The following DLC1 variants were observed in gnomAD, a reference collection of about 807,000 sequenced individuals.
DLC1 encodes the protein rho GTPase-activating protein 7.
A neutral mutation model predicts 140.3 loss-of-function variants in DLC1; 54 were observed. That is an observed-to-expected ratio of 0.38 (90% CI 0.31 to 0.48). The LOEUF (loss-of-function observed/expected upper bound fraction) is 0.48, where lower values mean the gene tolerates loss of function less well. Among genes scored for constraint, DLC1 ranks in the 20% least tolerant of loss-of-function variants. DLC1 has a pLI of 0.96. For synonymous variants in DLC1, 986 were observed against 728.1 expected (o/e 1.35, Z -5.70); for missense variants, 2,536 against 1,907.0 (o/e 1.33, Z -6.14).
In DLC1 at chr8:13,396,790, T is replaced by C. The variant is rs1173724182; in HGVS notation, c.1174-3097A>G. On this transcript the variant is annotated intron_variant, in intron 3 of 17. Transcript: ENST00000276297. ...CTTTATTATTTTCTCTTCTGTTCTC[T>C]GTTCAATTTGAGAAATTACCCAAAA... Among the ~76,000 whole-genome samples, 3 of 152,304 alleles carry C rather than the reference T, an allele frequency of 2.0e-5. No homozygotes were observed. In the East Asian group the frequency reaches 5.8e-4, roughly 29 times the overall value.
At chr8:13,088,406 T>C in intron 16 of DLC1, 81 bp downstream of exon 16, 1 of 1,469,868 alleles carries the variant, frequency 6.8e-7, no homozygotes, top group Admixed American at 1.9e-5. Flanking sequence ...AATTATACCA[T>C]CTTGTAAGAT....
intron 16 of DLC1, among the ~76,000 whole-genome samples, chr8:13,088,284 A>G (rs1194218740): frequency 6.6e-6 from 1 of 152,080 alleles, no homozygotes; most frequent in Non-Finnish European, 1.5e-5. Flanking sequence ...GTCTTGCTAT[A>G]TTACCCAGGC....
At chr8:13,276,604 T>TA in intron 5 of DLC1, 1 of 1,239,694 alleles carries the variant, frequency 8.1e-7, no homozygotes, top group Non-Finnish European at 1.0e-6. Flanking sequence ...TGGAAAGACT[T>TA]ACCCTGCGCC....
chr8:13,153,794 C>G (rs1585786135), intron 5 of DLC1, among the ~76,000 whole-genome samples: 1 of 151,722 alleles, frequency 6.6e-6, no homozygotes, highest in Non-Finnish European at 1.5e-5. Context: ...GGTGCGTTTA[C>G]AATCCCTGAG....
chr8:13,528,113 C>T (rs1427321975), intron 1 of DLC1, among the ~76,000 whole-genome samples: 1 of 151,898 alleles, frequency 6.6e-6, no homozygotes, highest in East Asian at 1.9e-4. Flanking sequence ...GACATCTTAA[C>T]CATAAGAATC....
intron 3 of DLC1, among the ~76,000 whole-genome samples, chr8:13,396,613 G>C (rs761711910): frequency 1.3e-5 from 2 of 152,108 alleles, no homozygotes; most frequent in African/African-American, 2.4e-5. Context: ...GACCAAAGTC[G>C]TATCCCAAGG....
At chr8:13,286,222 C>T (rs569593981) in intron 5 of DLC1, among the ~76,000 whole-genome samples, 3 of 152,130 alleles carry the variant, frequency 2.0e-5, no homozygotes, top group South Asian at 4.2e-4. Flanking sequence ...CATCAGAATC[C>T]TCAATCTCTG....
intron 5 of DLC1, among the ~76,000 whole-genome samples, chr8:13,135,685 T>A (rs988324109): frequency 6.6e-6 from 1 of 152,200 alleles, no homozygotes; most frequent in South Asian, 2.1e-4. Context: ...CAGAATAAGT[T>A]CTTAATATTT....
intron 5 of DLC1, among the ~76,000 whole-genome samples, chr8:13,217,723 A>G (rs916633708): frequency 6.6e-6 from 1 of 152,044 alleles, no homozygotes; most frequent in Non-Finnish European, 1.5e-5. Flanking sequence ...CTGTAGTCCC[A>G]GCTACTTGGG....
At chr8:13,225,512 A>G (rs1015405531) in intron 5 of DLC1, among the ~76,000 whole-genome samples, 1 of 152,200 alleles carries the variant, frequency 6.6e-6, no homozygotes, top group Non-Finnish European at 1.5e-5. Context: ...ACATGGGAGA[A>G]GAGGTCCATT....
chr8:13,467,250 C>T (rs187002918), intron 2 of DLC1, among the ~76,000 whole-genome samples: 461 of 152,272 alleles, frequency 3.0e-3, no homozygotes, highest in Middle Eastern at 6.8e-3. Flanking sequence ...AGACAATCAG[C>T]TTCAAAAATT....
chr8:13,305,138 G>A lies in DLC1; in HGVS notation c.1348+131C>T, dbSNP rs982343656. ...TTGAGCAAAACAAATTTCTTTTACA[G>A]AATTTAAACAACATTTTCCCATATA... On this transcript the variant is annotated intron_variant, in intron 5 of 17. Transcript: ENST00000276297. The A allele has an allele frequency of 5.1e-6, 7 of 1,360,992 alleles. No homozygotes were observed. In the South Asian group the frequency reaches 8.2e-5, roughly 16 times the overall value. 84.3% of individuals were successfully genotyped at this position (1,360,992 alleles called of 1,614,324 possible). A position where few individuals can be genotyped will look rare whatever the true frequency, so the allele number is the denominator to read the frequency against.
At chr8:13,586,816 A>G (rs1380084764) in intron 1 of DLC1, among the ~76,000 whole-genome samples, 1 of 152,082 alleles carries the variant, frequency 6.6e-6, no homozygotes, top group Non-Finnish European at 1.5e-5. Flanking sequence ...AAGTGCCTAT[A>G]GATAGTATTC....
intron 1 of DLC1, among the ~76,000 whole-genome samples, chr8:13,545,094 T>C (rs1475513907): frequency 2.0e-5 from 3 of 152,068 alleles, no homozygotes; most frequent in African/African-American, 7.2e-5. Flanking sequence ...TTAATAAAAT[T>C]TTAAAATTAA....
At position 13,499,284 on chromosome 8, in the gene DLC1, G is replaced by A; in HGVS notation, c.788C>T (p.Thr263Ile). Reference protein sequence around the residue: ...VQNEFLDTPCTNRGLPLLKTD... With the variant: ...VQNEFLDTPCINRGLPLLKTD... ...TTTTAATAATGGCAGTCCTCTGTTT[G>A]TGCAAGGAGTATCCAAGAACTCATT... Residue 263 changes from threonine (T) to isoleucine (I), a missense_variant, in exon 2 of 18, where the codon ACA becomes ATA. Transcript: ENST00000276297. 1 of 1,614,126 alleles carries A rather than the reference G, an allele frequency of 6.2e-7. No homozygotes were observed. Among genetic ancestry groups the A allele is most frequent in the South Asian group, 1.1e-5 (1 of 91,088 alleles).
At chr8:13,375,701 T>C (rs1226567039) in intron 4 of DLC1, among the ~76,000 whole-genome samples, 1 of 149,764 alleles carries the variant, frequency 6.7e-6, no homozygotes, top group African/African-American at 2.5e-5. Context: ...AAATTGAATA[T>C]TTTCAATGAT....
chr8:13,175,325 G>T (rs577015616), intron 5 of DLC1, among the ~76,000 whole-genome samples: 2 of 147,378 alleles, frequency 1.4e-5, no homozygotes, highest in Non-Finnish European at 3.0e-5. Context: ...TTTTGCTTAG[G>T]ATTATTTTTG....
At chr8:13,395,342 C>A (rs368383232) in intron 3 of DLC1, among the ~76,000 whole-genome samples, 1 of 152,050 alleles carries the variant, frequency 6.6e-6, no homozygotes, top group Admixed American at 6.6e-5. Context: ...AGACTGGTCT[C>A]GAACTCCTCA....
chr8:13,557,093 G>T (rs1032998245), intron 1 of DLC1, among the ~76,000 whole-genome samples: 6 of 152,162 alleles, frequency 3.9e-5, no homozygotes, highest in African/African-American at 7.2e-5. Context: ...GAAAGCTGCT[G>T]GGGAACTCTG....
Sources: gnomAD v4.1 joint callset for allele counts (sites outside exome capture counted in the v4.1 genomes callset) on GRCh38, gnomAD v4.1.1 for gene constraint, MANE v1.5 for transcripts, NCBI Gene and HGNC (gene_info 2026-07-23, HGNC 2026-07-21) for gene names.